The following TXNDC8 variants were observed in gnomAD, a reference collection of about 807,000 sequenced individuals.
TXNDC8 encodes the protein thioredoxin domain containing 8, also known as thioredoxin domain-containing protein 8.
TXNDC8 carries 15 observed loss-of-function variants against 12.9 expected under a neutral mutation model. The observed-to-expected ratio is 1.16, with a 90% CI of 0.78 to 1.79. TXNDC8 has a LOEUF of 1.79. Among genes scored for constraint, TXNDC8 ranks in the 40% most tolerant of loss-of-function variants. The pLI is 0.00. For missense variants in TXNDC8, 128 were observed against 113.2 expected, an observed-to-expected ratio of 1.13 and a Z score of -0.59; for synonymous variants, 40 against 35.4, an observed-to-expected ratio of 1.13 and a Z score of -0.46.
chr9:110,322,184 GT>G (rs58184864), intron 3 of TXNDC8, among the ~76,000 whole-genome samples: 88,609 of 149,410 alleles, frequency 0.59, 26,096 homozygotes, highest in Middle Eastern at 0.64. Flanking sequence ...ATGGTCTCAA[GT>G]TTTTTTTTTT....
Position 110,334,297 on chromosome 9 carries a change from T to C in TXNDC8, c.48A>G (p.Thr16=), listed in dbSNP as rs754249736. Reference sequence around the variant, plus strand: ...CCACTGCGAGTTTGTGTCCGGCAGCTGTCAAAAATGTTTTAAATTCATTCT... The same window carrying C: ...CCACTGCGAGTTTGTGTCCGGCAGCCGTCAAAAATGTTTTAAATTCATTCT... The change falls in exon 2 of 5, where the codon ACA becomes ACG. Residue 16 remains threonine (T), a synonymous_variant. Coordinates refer to ENST00000423740, the MANE Select transcript of TXNDC8 (RefSeq NM_001286946.2). The C allele has an allele frequency of 1.2e-6, 2 of 1,613,354 alleles. No homozygotes were observed. Among genetic ancestry groups the C allele is most frequent in the Non-Finnish European group, 1.7e-6 (2 of 1,179,432 alleles).
downstream of TXNDC8, among the ~76,000 whole-genome samples, chr9:110,303,318 G>T (rs112142973): frequency 4.7e-3 from 712 of 152,334 alleles, 9 homozygotes; most frequent in African/African-American, 0.016. Context: ...GGAAGCCCAA[G>T]TTGGAGAATG....
At chr9:110,304,676 T>A in intron 3 of TXNDC8, 144 bp from the exon 5 acceptor site, 1 of 656,556 alleles carries the variant, frequency 1.5e-6, no homozygotes, top group Non-Finnish European at 2.4e-6. Flanking sequence ...AAGAGTTAGG[T>A]GGCAGCTGGG....
At chr9:110,306,026 C>T (rs987566766) in intron 3 of TXNDC8, among the ~76,000 whole-genome samples, 17 of 152,004 alleles carry the variant, frequency 1.1e-4, no homozygotes, top group Non-Finnish European at 2.2e-4. Context: ...ACCACCACTC[C>T]TGGTTAATTT....
chr9:110,303,494 C>T lies in TXNDC8; in HGVS notation c.*188G>A. 1.3e-6 allele frequency: 2 copies of T among 1,518,362 alleles called. No homozygotes were observed. The highest frequency in any genetic ancestry group is 1.8e-6 in the Non-Finnish European group (2 of 1,125,970). 94.1% of individuals were successfully genotyped at this position (1,518,362 alleles called of 1,614,324 possible). A position where few individuals can be genotyped will look rare whatever the true frequency, so the allele number is the denominator to read the frequency against. ...TTTGCTCTTGCCTTTTCAAATGTCA[C>T]AAGTGTATTTTGCCTTGGAGATCAG... On this transcript the variant is annotated 3_prime_UTR_variant, in exon 5 of 5. Transcript: ENST00000423740.
At chr9:110,310,217 G>A (rs1038571684) in intron 3 of TXNDC8, among the ~76,000 whole-genome samples, 1 of 152,030 alleles carries the variant, frequency 6.6e-6, no homozygotes, top group African/African-American at 2.4e-5. Flanking sequence ...GTGTGTGTGT[G>A]TGTGTGTGCA....
At chr9:110,336,822 T>G (rs10816976) in intron 1 of TXNDC8, among the ~76,000 whole-genome samples, 59,582 of 151,856 alleles carry the variant, frequency 0.39, 13,504 homozygotes, top group African/African-American at 0.63. Context: ...GTAGTCTGGA[T>G]GGCCAAGGTC....
At chr9:110,334,045 C>G (rs987992115) in intron 2 of TXNDC8, among the ~76,000 whole-genome samples, 171 bp downstream of exon 2, 1 of 152,158 alleles carries the variant, frequency 6.6e-6, no homozygotes, top group African/African-American at 2.4e-5. Flanking sequence ...GGTGTGTACA[C>G]TTATTATCTA....
rs867138681 is a variant in TXNDC8 at position 110,311,527 on chromosome 9, A to G, written c.196-6995T>C. Among the ~76,000 whole-genome samples the G allele has an allele frequency of 4.2e-3, 436 of 104,026 alleles. 12 individuals carry two copies. Among genetic ancestry groups the G allele is most frequent in the African/African-American group, 0.023 (418 of 18,496 alleles). The allele number at this position is 104,026 out of a possible 152,430, so 68.2% of individuals were successfully genotyped here. On this transcript the variant is annotated intron_variant, in intron 3 of 4. Transcript: ENST00000423740. ...AAGTTACAAAAATAAAGAGGTATAT[A>G]TATATATATATATATATATATATAT...
intron 1 of TXNDC8, among the ~76,000 whole-genome samples, chr9:110,337,264 T>C (rs1304076007): frequency 6.6e-6 from 1 of 152,202 alleles, no homozygotes; most frequent in Non-Finnish European, 1.5e-5. Context: ...CCTGAACCTC[T>C]CTTTTAGAGG....
chr9:110,303,406 A>C (rs1838312797), downstream of TXNDC8: 1 of 1,213,614 alleles, frequency 8.2e-7, no homozygotes. Flanking sequence ...TCAACCAGCA[A>C]AGCATTAGGA....
intron 3 of TXNDC8, among the ~76,000 whole-genome samples, chr9:110,309,549 TG>T (rs1293292830): frequency 6.6e-6 from 1 of 152,198 alleles, no homozygotes; most frequent in Non-Finnish European, 1.5e-5. Flanking sequence ...TTGACCAGGC[TG>T]GGCTTGAACG....
intron 2 of TXNDC8, among the ~76,000 whole-genome samples, chr9:110,333,316 G>A (rs1839614200): frequency 6.6e-6 from 1 of 152,150 alleles, no homozygotes; most frequent in African/African-American, 2.4e-5. Flanking sequence ...ATTCTGAACT[G>A]TGCATGTGAG....
chr9:110,329,124 T>A (rs1839452209), intron 2 of TXNDC8, 108 bp downstream of exon 3: 1 of 932,378 alleles, frequency 1.1e-6, no homozygotes. Context: ...AATGTAAAAT[T>A]CTAGTTGATT....
intron 2 of TXNDC8, among the ~76,000 whole-genome samples, chr9:110,328,070 T>C (rs2118845588): frequency 6.6e-6 from 1 of 152,352 alleles, no homozygotes; most frequent in Middle Eastern, 3.4e-3. Flanking sequence ...GTATTTTATC[T>C]CATTTTATCT....
At chr9:110,333,612 G>A (rs1156883844) in intron 2 of TXNDC8, among the ~76,000 whole-genome samples, 3 of 152,022 alleles carry the variant, frequency 2.0e-5, no homozygotes, top group African/African-American at 7.3e-5. Context: ...ATGTACACAA[G>A]GTTTCATTTG....
rs375011880 is a variant in TXNDC8, at chr9:110,305,827, C to T, written c.196-1295G>A. Reference sequence around the variant, plus strand: ...CTTTTCTTTCCTTTCCTTTCCTTTCCTTTCTTTTCCTTTCTTTTCTTTTCT... The same window carrying T: ...CTTTTCTTTCCTTTCCTTTCCTTTCTTTTCTTTTCCTTTCTTTTCTTTTCT... On this transcript the variant is annotated intron_variant, in intron 3 of 4. Coordinates refer to ENST00000423740, the MANE Select transcript of TXNDC8 (RefSeq NM_001286946.2). 6.3e-5 allele frequency among the ~76,000 whole-genome samples: 5 copies of T among 79,872 alleles called. No homozygotes were observed. In the East Asian group the frequency reaches 2.3e-3, roughly 37 times the overall value. The allele number at this position is 79,872 out of a possible 152,430, so 52.4% of individuals were successfully genotyped here.
intron 3 of TXNDC8, among the ~76,000 whole-genome samples, chr9:110,309,862 A>T (rs1838599257): frequency 6.6e-6 from 1 of 152,178 alleles, no homozygotes; most frequent in Non-Finnish European, 1.5e-5. Flanking sequence ...AGGAAAAAAA[A>T]GTGGGAAACC....
intron 3 of TXNDC8, among the ~76,000 whole-genome samples, chr9:110,317,030 A>G (rs530493825): frequency 6.6e-6 from 1 of 152,282 alleles, no homozygotes; most frequent in Admixed American, 6.5e-5. Flanking sequence ...CCATCAACTG[A>G]AGTTGTTGAG....
Sources: allele counts gnomAD v4.1 joint callset (sites outside exome capture counted in the v4.1 genomes callset), GRCh38; gene constraint gnomAD v4.1.1; transcripts MANE v1.5; gene names NCBI Gene and HGNC (gene_info 2026-07-23, HGNC 2026-07-21).